NDUFAF4: variants seen among roughly 807,000 people sequenced by gnomAD.
The protein encoded by NDUFAF4 is NADH dehydrogenase [ubiquinone] 1 alpha subcomplex assembly factor 4.
A neutral mutation model predicts 15.6 loss-of-function variants in NDUFAF4; 10 were observed. The ratio of observed to expected loss-of-function variants is 0.64; its 90% CI spans 0.40 to 1.09. The LOEUF (loss-of-function observed/expected upper bound fraction) is 1.09. Ranked by LOEUF, NDUFAF4 falls within the 50% of genes least tolerant of loss-of-function variation. NDUFAF4 has a pLI of 0.01. For missense variants in NDUFAF4, 203 were observed against 207.3 expected, an observed-to-expected ratio of 0.98 and a Z score of 0.13; for synonymous variants, 77 against 73.3, an observed-to-expected ratio of 1.05 and a Z score of -0.26.
rs776356978 is a variant in NDUFAF4, at chr6:96,897,753, G to C, written c.49C>G (p.Arg17Gly). The part of the protein sequence containing the change: ...RGIRNFNLEN[R>G]AEREISKMKP... ...ATCTTGCTGATTTCCCGTTCCGCTC[G>C]GTTCTCTAGGTTGAAATTCCTGATA... The change falls in exon 1 of 3, where the codon CGA becomes GGA. Residue 17 changes from arginine (R) to glycine (G), a missense_variant. By Grantham distance (125) the Arg-to-Gly change is moderately radical (BLOSUM62 -2). Transcript: ENST00000316149. 6.2e-7 allele frequency: 1 copy of C among 1,614,158 alleles called. No homozygotes were observed. Among genetic ancestry groups the C allele is most frequent in the South Asian group, 1.1e-5 (1 of 91,088 alleles).
At chr6:96,897,407 G>C (rs1258543389) in intron 1 of NDUFAF4, among the ~76,000 whole-genome samples, 1 of 152,212 alleles carries the variant, frequency 6.6e-6, no homozygotes, top group Non-Finnish European at 1.5e-5. Flanking sequence ...AGCAGCCGGC[G>C]AGGGCCTGGT....
rs185474897 is a variant in NDUFAF4 at position 96,891,036 on chromosome 6, C to A, written c.*68G>T. 32 of 1,404,636 alleles carry A rather than the reference C, an allele frequency of 2.3e-5. No homozygotes were observed. Among genetic ancestry groups the A allele is most frequent in the Non-Finnish European group, 3.1e-5 (31 of 1,006,392 alleles). 87.0% of individuals were successfully genotyped at this position (1,404,636 alleles called of 1,614,324 possible). On this transcript the variant is annotated 3_prime_UTR_variant, in exon 3 of 3. Transcript: ENST00000316149. ...ATTTGGTAATTAACATAATTTATTACGCAAAAAATGAGAAAATATACAGCA... is the reference window on the plus strand; with the variant it reads ...ATTTGGTAATTAACATAATTTATTAAGCAAAAAATGAGAAAATATACAGCA...
intron 2 of NDUFAF4, among the ~76,000 whole-genome samples, chr6:96,895,870 T>G (rs565412379): frequency 6.6e-6 from 1 of 152,198 alleles, no homozygotes; most frequent in Admixed American, 6.5e-5. Context: ...CAGAATATTT[T>G]AGAATGAAAA....
rs903033268 is a variant in NDUFAF4, at chr6:96,890,223, C to A, written c.*881G>T. ...CCTGTTCTCTGCTTCTACTTGCTAT[C>A]TTTTTCTCTTCTCTCAACTAGCATT... On this transcript the variant is annotated 3_prime_UTR_variant, in exon 3 of 3. Transcript: ENST00000316149. The A allele has an allele frequency of 2.0e-5, 3 of 152,114 alleles. No individual in the cohort carries two copies. The highest frequency in any genetic ancestry group is 2.0e-4 in the Admixed American group (3 of 15,248). The allele number at this position is 152,114 out of a possible 1,614,324, so 9.4% of individuals were successfully genotyped here.
At position 96,897,795 on chromosome 6, in the gene NDUFAF4, C is replaced by T; in HGVS notation, c.7G>A (p.Ala3Thr). Residue 3 changes from alanine to threonine, a missense_variant, in exon 1 of 3, where the codon GCA becomes ACA. Coordinates refer to ENST00000316149, the MANE Select transcript of NDUFAF4 (RefSeq NM_014165.4). ...TTCCTGATACCGCGAATCACTAGTGCTCCCATCTCCTCATAACATTATGCG... is the reference window on the plus strand; with the variant it reads ...TTCCTGATACCGCGAATCACTAGTGTTCCCATCTCCTCATAACATTATGCG... MGALVIRGIRNFN... is the reference protein window; with the variant it reads MGTLVIRGIRNFN... The T allele has an allele frequency of 6.2e-7, 1 of 1,614,178 alleles. No individual in the cohort carries two copies. The highest frequency in any genetic ancestry group is 1.1e-5 in the South Asian group (1 of 91,090).
Position 96,897,825 on chromosome 6 carries a change from G to T in NDUFAF4, c.-24C>A. 1 of 1,613,924 alleles carries T rather than the reference G, an allele frequency of 6.2e-7. No individual in the cohort carries two copies. Among genetic ancestry groups the T allele is most frequent in the Non-Finnish European group, 8.5e-7 (1 of 1,179,892 alleles). On this transcript the variant is annotated 5_prime_UTR_variant, in exon 1 of 3. The change creates a new upstream start codon in the 5' untranslated region. Coordinates refer to ENST00000316149, the MANE Select transcript of NDUFAF4 (RefSeq NM_014165.4). ...ATCTCCTCATAACATTATGCGCTCA[G>T]GTTCAGGCCGCACGTGGGAACACCG...
Position 96,896,822 on chromosome 6 carries a change from A to C in NDUFAF4, c.162T>G (p.Ile54Met), listed in dbSNP as rs1775381769. ...ACAGCAGCTTTTCATCTTTACGAGC[A>C]ATCTCTCCTTTAACTTCTGGATAGA... is the stretch of plus-strand genomic sequence containing the variant. ...ISLYPEVKGE[I>M]ARKDEKLLSF... Residue 54 changes from isoleucine (I) to methionine (M), a missense_variant, in exon 2 of 3, where the codon ATT (isoleucine) becomes ATG (methionine). Coordinates refer to ENST00000316149, the MANE Select transcript of NDUFAF4 (RefSeq NM_014165.4). 3.1e-6 allele frequency: 5 copies of C among 1,613,846 alleles called. No individual in the cohort carries two copies. The highest frequency in any genetic ancestry group is 4.2e-6 in the Non-Finnish European group (5 of 1,179,828).
chr6:96,891,646 T>C (rs1775317936), intron 2 of NDUFAF4, among the ~76,000 whole-genome samples: 1 of 151,850 alleles, frequency 6.6e-6, no homozygotes, highest in African/African-American at 2.4e-5. Context: ...GATATGGTTG[T>C]TTAAAAGTGT....
At chr6:96,896,303 A>G (rs1009456452) in intron 2 of NDUFAF4, 8 of 203,244 alleles carry the variant, frequency 3.9e-5, no homozygotes, top group African/African-American at 1.9e-4. Flanking sequence ...ATCTGAATAC[A>G]TCCTTAAAAA....
At position 96,891,212 on chromosome 6, in the gene NDUFAF4, C is replaced by T. The variant is rs11402; in HGVS notation, c.420G>A (p.Gln140=). 0.88 allele frequency: 1,421,258 copies of T among 1,612,936 alleles called. 626,992 individuals carry two copies. The highest frequency in any genetic ancestry group is 1 in the East Asian group (44,803 of 44,832). ...PETWTAEKIM[Q]EYQLEQKDVN... ...CATCTTTCTGTTCTAACTGGTATTCCTGCATTATTTTCTCAGCAGTCCAGG... is the reference window on the plus strand; with the variant it reads ...CATCTTTCTGTTCTAACTGGTATTCTTGCATTATTTTCTCAGCAGTCCAGG... The change falls in exon 3 of 3, where the codon CAG becomes CAA. Residue 140 remains glutamine, a synonymous_variant. Transcript: ENST00000316149.
Position 96,897,751 on chromosome 6 carries a change from T to C in NDUFAF4, c.51A>G (p.Arg17=). Residue 17 remains arginine, a synonymous_variant, in exon 1 of 3, where the codon CGA becomes CGG. Transcript: ENST00000316149. ...TCATCTTGCTGATTTCCCGTTCCGC[T>C]CGGTTCTCTAGGTTGAAATTCCTGA... ...RGIRNFNLEN[R]AEREISKMKP... The C allele has an allele frequency of 4.3e-6, 7 of 1,614,158 alleles. No homozygotes were observed. Among genetic ancestry groups the C allele is most frequent in the Non-Finnish European group, 5.9e-6 (7 of 1,180,004 alleles).
At position 96,897,879 on chromosome 6, in the gene NDUFAF4, C is replaced by A. The variant is rs750271319; in HGVS notation, c.-78G>T. 1 of 1,605,106 alleles carries A rather than the reference C, an allele frequency of 6.2e-7. No homozygotes were observed. The highest frequency in any genetic ancestry group is 8.5e-7 in the Non-Finnish European group (1 of 1,173,858). On this transcript the variant is annotated 5_prime_UTR_variant, in exon 1 of 3. An upstream start codon of the reference 5' UTR is lost. Coordinates refer to ENST00000316149, the MANE Select transcript of NDUFAF4 (RefSeq NM_014165.4). ...CAGGACAACTCCGGGACACCCGGAG[C>A]ATGCGCACAAGTGAGGGGAAGCCCC...
Position 96,890,059 on chromosome 6 carries a change from C to G in NDUFAF4, c.*1045G>C, listed in dbSNP as rs1233403068. On this transcript the variant is annotated 3_prime_UTR_variant, in exon 3 of 3. Coordinates refer to ENST00000316149, the MANE Select transcript of NDUFAF4 (RefSeq NM_014165.4). ...CAATCTCCAAGAAGATATAGTCTCC[C>G]AAAGATCCCCCAAGTAGTAATATAT... 6.6e-6 allele frequency: 1 copy of G among 151,980 alleles called. No homozygotes were observed. The highest frequency in any genetic ancestry group is 2.4e-5 in the African/African-American group (1 of 41,374). The allele number at this position is 151,980 out of a possible 1,614,324, so 9.4% of individuals were successfully genotyped here.
chr6:96,891,839 CA>C (rs1775320563), intron 2 of NDUFAF4, among the ~76,000 whole-genome samples: 1 of 151,998 alleles, frequency 6.6e-6, no homozygotes, highest in South Asian at 2.1e-4. Context: ...TACCCAGTCT[CA>C]TGTATTTCTT....
rs903692062 is a variant in NDUFAF4, at chr6:96,897,567, CTGACGCCGA to C, written c.136+90_136+98del. The C allele has an allele frequency of 2.6e-6, 4 of 1,535,662 alleles. No homozygotes were observed. The African/African-American group carries it at 5.5e-5, about 21-fold the overall frequency. On this transcript the variant is annotated intron_variant, in intron 1 of 2. Coordinates refer to ENST00000316149, the MANE Select transcript of NDUFAF4 (RefSeq NM_014165.4). ...ACCCGAGCGGCTGCGGCCGAGCAGG[CTGACGCCGA>C]TCCCTCGGCCTCCGGACCCACGCTA...
intron 1 of NDUFAF4, among the ~76,000 whole-genome samples, chr6:96,897,120 TAGCC>T (rs1483187263): frequency 6.6e-6 from 1 of 152,156 alleles, no homozygotes; most frequent in Non-Finnish European, 1.5e-5. Flanking sequence ...AGACGGGGTT[TAGCC>T]ATGTTGGCCA....
chr6:96,894,409 G>A (rs1482224970), intron 2 of NDUFAF4, among the ~76,000 whole-genome samples: 1 of 152,164 alleles, frequency 6.6e-6, no homozygotes, highest in African/African-American at 2.4e-5. Context: ...ATGCCAAAGA[G>A]AAGCCATAAA....
At chr6:96,893,030 A>G (rs895726189) in intron 2 of NDUFAF4, among the ~76,000 whole-genome samples, 1 of 152,068 alleles carries the variant, frequency 6.6e-6, no homozygotes, top group East Asian at 1.9e-4. Context: ...TTCTACTCCC[A>G]TATCCTCAAT....
intron 2 of NDUFAF4, among the ~76,000 whole-genome samples, 164 bp from the exon 3 acceptor site, chr6:96,891,555 C>T (rs975908987): frequency 6.7e-4 from 102 of 152,026 alleles, no homozygotes; most frequent in African/African-American, 2.3e-3. Flanking sequence ...CAAAGTTGGA[C>T]GTAGGGCATG....
Sources: gnomAD v4.1 joint callset for allele counts (sites outside exome capture counted in the v4.1 genomes callset) on GRCh38, gnomAD v4.1.1 for gene constraint, MANE v1.5 for transcripts, NCBI Gene and HGNC (gene_info 2026-07-23, HGNC 2026-07-21) for gene names.